The following RANBP2 variants were observed in gnomAD, a reference collection of about 807,000 sequenced individuals.
RANBP2 encodes the protein E3 SUMO-protein ligase RanBP2.
Under a neutral mutation model 303.6 loss-of-function variants are expected in RANBP2, and 57 were observed. The ratio of observed to expected loss-of-function variants is 0.19; its 90% CI spans 0.15 to 0.23. The LOEUF is 0.23. RANBP2 is among the 10% of genes least tolerant of loss of function. The pLI is 1.00. For synonymous variants in RANBP2, 1,167 were observed against 1,301.5 expected, an observed-to-expected ratio of 0.90 and a Z score of 2.23; for missense variants, 3,138 against 3,780.8, an observed-to-expected ratio of 0.83 and a Z score of 4.46.
chr2:109,458,582 G>GAGAGAGAGAGAGAGAGAGAGAGAGAGA, the RANBP2 span, among the ~76,000 whole-genome samples: 2 of 150,968 alleles, frequency 1.3e-5, no homozygotes, highest in Non-Finnish European at 3.0e-5. Flanking sequence ...CAGAGAGAGA[G>GAGAGAGAGAGAGAGAGAGAGAGAGAGA]AGAGAGAGAG....
Position 108,754,961 on chromosome 2 carries a change from CGAA to C in RANBP2, c.2262_2264del (p.Glu754del), listed in dbSNP as rs752992769. On this transcript the variant is annotated inframe_deletion, in exon 16 of 29. Transcript: ENST00000283195. ...TGCTTAATTCAGTCATGCAGGAACTCGAAGACTATAGTGAAGGAGGTCCTCTCT... is the reference window on the plus strand; with the variant it reads ...TGCTTAATTCAGTCATGCAGGAACTCGACTATAGTGAAGGAGGTCCTCTCT... 2 of 1,611,742 alleles carry C rather than the reference CGAA, an allele frequency of 1.2e-6. No homozygotes were observed. Among genetic ancestry groups the C allele is most frequent in the Non-Finnish European group, 1.7e-6 (2 of 1,179,798 alleles).
the RANBP2 span, among the ~76,000 whole-genome samples, chr2:109,102,315 T>C: frequency 3.2e-3 from 487 of 151,978 alleles, 9 homozygotes; most frequent in East Asian, 0.031. Context: ...TTAGCCAGGA[T>C]GGTCTTGATC....
the RANBP2 span, chr2:108,896,745 G>T: frequency 3.0e-6 from 2 of 673,960 alleles, no homozygotes; most frequent in Non-Finnish European, 5.0e-6. Context: ...GGTTAAATTG[G>T]AAGACAGGCC....
Position 108,763,796 on chromosome 2 carries a change from C to A in RANBP2, c.3257C>A (p.Pro1086Gln). 1 of 1,614,068 alleles carries A rather than the reference C, an allele frequency of 6.2e-7. No homozygotes were observed. Among genetic ancestry groups the A allele is most frequent in the South Asian group, 1.1e-5 (1 of 91,080 alleles). ...LQGDGYSGAK[P>Q]IPGGQTIGPR... ...GGAGATGGCTATAGTGGAGCCAAAC[C>A]AATTCCTGGTGGTCAAACCATTGGG... The change falls in exon 20 of 29, where the codon CCA (proline) becomes CAA (glutamine). Residue 1086 changes from proline (P) to glutamine (Q), a missense_variant. Coordinates refer to ENST00000283195, the MANE Select transcript of RANBP2 (RefSeq NM_006267.5).
chr2:109,276,154 T>C, the RANBP2 span, among the ~76,000 whole-genome samples: 1 of 152,182 alleles, frequency 6.6e-6, no homozygotes, highest in East Asian at 1.9e-4. Context: ...GGGTTCGAGT[T>C]AGGAGCAGGC....
chr2:109,005,834 T>C, the RANBP2 span, among the ~76,000 whole-genome samples: 1 of 152,218 alleles, frequency 6.6e-6, no homozygotes, highest in African/African-American at 2.4e-5. Context: ...CTGTAACCAC[T>C]TCACATTTCA....
At chr2:109,667,285 A>C in the RANBP2 span, 6 of 712,678 alleles carry the variant, frequency 8.4e-6, no homozygotes, top group East Asian at 5.3e-5. Context: ...AGCAAGCCTC[A>C]TGAAAGGAAG....
chr2:109,081,496 G>A, the RANBP2 span, among the ~76,000 whole-genome samples: 1 of 152,170 alleles, frequency 6.6e-6, no homozygotes, highest in East Asian at 1.9e-4. Context: ...GCTTGAGGTG[G>A]GGGTGACTGT....
the RANBP2 span, among the ~76,000 whole-genome samples, chr2:109,393,374 G>A: frequency 5.3e-5 from 8 of 152,198 alleles, no homozygotes; most frequent in African/African-American, 1.4e-4. Flanking sequence ...CAGCATCGTC[G>A]TCTCTTGGGA....
the RANBP2 span, among the ~76,000 whole-genome samples, chr2:109,176,133 T>C: frequency 1.3e-5 from 2 of 152,242 alleles, no homozygotes; most frequent in Non-Finnish European, 2.9e-5. Flanking sequence ...TGCCCTTTAC[T>C]TGGCCCAGTG....
the RANBP2 span, among the ~76,000 whole-genome samples, chr2:109,182,894 C>A: frequency 6.6e-6 from 1 of 151,978 alleles, no homozygotes; most frequent in East Asian, 1.9e-4. Flanking sequence ...TACTGTTTTT[C>A]ACTCTCATAT....
At chr2:108,976,759 T>TCA in the RANBP2 span, among the ~76,000 whole-genome samples, 1 of 152,212 alleles carries the variant, frequency 6.6e-6, no homozygotes, top group Non-Finnish European at 1.5e-5. Context: ...GGGAGCTCTT[T>TCA]TAGTTGGTTT....
the RANBP2 span, among the ~76,000 whole-genome samples, chr2:109,661,846 T>C: frequency 6.6e-6 from 1 of 152,224 alleles, no homozygotes; most frequent in African/African-American, 2.4e-5. Flanking sequence ...TTTCTTCCTC[T>C]GGTAATAGTA....
chr2:109,421,238 A>AG, the RANBP2 span, among the ~76,000 whole-genome samples: 1 of 152,246 alleles, frequency 6.6e-6, no homozygotes, highest in African/African-American at 2.4e-5. Flanking sequence ...GGCAGGATGC[A>AG]GGTCAGGTTG....
chr2:109,058,429 G>A, the RANBP2 span, among the ~76,000 whole-genome samples: 2 of 152,276 alleles, frequency 1.3e-5, no homozygotes, highest in African/African-American at 4.8e-5. Flanking sequence ...CTAAAACGAT[G>A]CGGGCAGCCC....
chr2:109,706,689 A>C, the RANBP2 span, among the ~76,000 whole-genome samples: 4 of 152,258 alleles, frequency 2.6e-5, no homozygotes, highest in African/African-American at 9.6e-5. Context: ...GGTTCTGAGC[A>C]CTAGAAATGA....
At chr2:109,305,719 CA>C in the RANBP2 span, among the ~76,000 whole-genome samples, 1 of 152,246 alleles carries the variant, frequency 6.6e-6, no homozygotes, top group East Asian at 1.9e-4. Context: ...TGTGTGGCTA[CA>C]ATGCGGGAGG....
chr2:109,202,728 G>GCCTTC, the RANBP2 span, among the ~76,000 whole-genome samples: 3 of 152,148 alleles, frequency 2.0e-5, no homozygotes, highest in Non-Finnish European at 4.4e-5. Flanking sequence ...AAACGCCACG[G>GCCTTC]CCTTCCCGTG....
the RANBP2 span, among the ~76,000 whole-genome samples, chr2:108,985,041 TG>T: frequency 6.6e-6 from 1 of 152,226 alleles, no homozygotes; most frequent in Non-Finnish European, 1.5e-5. Flanking sequence ...GCTTGCAGTC[TG>T]GTTTTGCATG....
Sources: gnomAD v4.1 joint callset for allele counts (sites outside exome capture counted in the v4.1 genomes callset) on GRCh38, gnomAD v4.1.1 for gene constraint, MANE v1.5 for transcripts, NCBI Gene and HGNC (gene_info 2026-07-23, HGNC 2026-07-21) for gene names.